FOXP2: variants seen among roughly 807,000 people sequenced by gnomAD.
The protein encoded by FOXP2 is forkhead box protein P2.
FOXP2 carries 12 observed loss-of-function variants against 115.8 expected under a neutral mutation model. That is an observed-to-expected ratio of 0.10 (90% CI 0.07 to 0.17). FOXP2 has a LOEUF of 0.17. Among genes scored for constraint, FOXP2 ranks in the 10% least tolerant of loss-of-function variants. FOXP2 has a pLI of 1.00. For synonymous variants in FOXP2, 328 were observed against 297.7 expected (o/e 1.10, Z -1.05); for missense variants, 629 against 843.5 (o/e 0.75, Z 3.15).
intron 2 of FOXP2, among the ~76,000 whole-genome samples, chr7:114,437,766 A>C (rs1006643125): frequency 6.6e-6 from 1 of 152,204 alleles, no homozygotes; most frequent in East Asian, 1.9e-4. Context: ...ATGTCCTTGT[A>C]GACCGACCTG....
intron 2 of FOXP2, among the ~76,000 whole-genome samples, chr7:114,289,878 G>A (rs185636561): frequency 9.1e-4 from 139 of 151,990 alleles, no homozygotes; most frequent in Non-Finnish European, 1.8e-3. Flanking sequence ...ATTTTTTCTT[G>A]TAAATGTATA....
chr7:114,466,783 A>G (rs954920686), intron 2 of FOXP2, among the ~76,000 whole-genome samples: 1 of 152,232 alleles, frequency 6.6e-6, no homozygotes, highest in Admixed American at 6.5e-5. Context: ...AGGAAGAGAC[A>G]TGTTTTATAT....
At chr7:114,158,190 A>G (rs1792721150), upstream of FOXP2, among the ~76,000 whole-genome samples, 1 of 152,120 alleles carries the variant, frequency 6.6e-6, no homozygotes, top group Non-Finnish European at 1.5e-5. Flanking sequence ...TGTGTTGTAT[A>G]GCAAAATATA....
chr7:114,388,646 T>C (rs1792514782), intron 2 of FOXP2, among the ~76,000 whole-genome samples: 1 of 152,196 alleles, frequency 6.6e-6, no homozygotes, highest in South Asian at 2.1e-4. Flanking sequence ...TGGTAAAAAA[T>C]ATACTGTTAG....
At chr7:114,444,084 G>A (rs539377837) in intron 2 of FOXP2, among the ~76,000 whole-genome samples, 39 of 152,268 alleles carry the variant, frequency 2.6e-4, no homozygotes, top group African/African-American at 8.9e-4. Context: ...AATGTAAGAT[G>A]TTTGAGGCCA....
At chr7:114,609,169 C>T (rs932614694) in intron 3 of FOXP2, among the ~76,000 whole-genome samples, 4 of 150,886 alleles carry the variant, frequency 2.7e-5, no homozygotes, top group Non-Finnish European at 5.9e-5. Flanking sequence ...GCTGAGATTG[C>T]GCCACTGCAC....
At chr7:114,218,355 T>C (rs1013163180) in intron 1 of FOXP2, among the ~76,000 whole-genome samples, 5 of 152,170 alleles carry the variant, frequency 3.3e-5, no homozygotes. Context: ...GAGTAGTAGA[T>C]GTGGCCCTCA....
intron 3 of FOXP2, among the ~76,000 whole-genome samples, chr7:114,581,702 T>TA (rs1218983199): frequency 6.6e-6 from 1 of 152,224 alleles, no homozygotes; most frequent in East Asian, 1.9e-4. Context: ...TGATGACATG[T>TA]ATCCACCATT....
At chr7:114,531,275 AT>A (rs1446999517) in intron 2 of FOXP2, among the ~76,000 whole-genome samples, 4 of 151,828 alleles carry the variant, frequency 2.6e-5, no homozygotes, top group Non-Finnish European at 5.9e-5. Context: ...TGGATTTAAT[AT>A]TTTGTTTGTA....
At chr7:114,621,506 G>A (rs996917424) in intron 3 of FOXP2, among the ~76,000 whole-genome samples, 2 of 152,008 alleles carry the variant, frequency 1.3e-5, no homozygotes, top group African/African-American at 4.8e-5. Context: ...TTGCTAAGTC[G>A]TTGGTACAAT....
chr7:114,109,941 A>G (rs2129141999), intron 1 of FOXP2, among the ~76,000 whole-genome samples: 1 of 152,232 alleles, frequency 6.6e-6, no homozygotes, highest in African/African-American at 2.4e-5. Flanking sequence ...ATACCAGCCC[A>G]TTAAGGAGAG....
intron 2 of FOXP2, among the ~76,000 whole-genome samples, chr7:114,408,426 A>T (rs1326796987): frequency 1.3e-5 from 2 of 152,136 alleles, no homozygotes; most frequent in Non-Finnish European, 2.9e-5. Flanking sequence ...AATGCTAAGT[A>T]TTTATAACAT....
intron 1 of FOXP2, among the ~76,000 whole-genome samples, chr7:114,269,232 T>A (rs911877895): frequency 1.3e-5 from 2 of 152,114 alleles, no homozygotes; most frequent in Non-Finnish European, 2.9e-5. Context: ...TGTAAATTGT[T>A]TAGAGGGTAG....
At chr7:114,113,526 T>C (rs1051282343) in intron 1 of FOXP2, among the ~76,000 whole-genome samples, 2 of 152,144 alleles carry the variant, frequency 1.3e-5, no homozygotes, top group African/African-American at 4.8e-5. Flanking sequence ...GGACTACAGG[T>C]GTGTGCTACC....
chr7:114,690,469 A>C lies in FOXP2; in HGVS notation c.*543A>C, dbSNP rs1022629147. On this transcript the variant is annotated 3_prime_UTR_variant, in exon 17 of 17. Transcript: ENST00000350908. ...GCTTGTATCTAGCTGAATTTTAAAC[A>C]ACAGAACATTAGTTTTTTATGTTGG... The C allele has an allele frequency of 3.5e-5, 16 of 453,842 alleles. No homozygotes were observed. The East Asian group carries it at 1.1e-3, about 32-fold the overall frequency. 28.1% of individuals were successfully genotyped at this position (453,842 alleles called of 1,614,324 possible).
chr7:114,260,455 CT>C lies in FOXP2; in HGVS notation c.-101-27554del, dbSNP rs376521474. 2.0e-4 allele frequency among the ~76,000 whole-genome samples: 29 copies of C among 147,948 alleles called. 1 individual carries two copies. Among genetic ancestry groups the C allele is most frequent in the South Asian group, 8.5e-4 (4 of 4,680 alleles). On this transcript the variant is annotated intron_variant, in intron 1 of 17. Transcript: ENST00000634411. ...CTAGTAAGTTATTGGTGGCAAGTTACTTTTTTTTTTAAGACAGCTTCATAAA... is the reference window on the plus strand; with the variant it reads ...CTAGTAAGTTATTGGTGGCAAGTTACTTTTTTTTTAAGACAGCTTCATAAA...
chr7:114,087,620 T>TGCGGCG (rs953821424), upstream of FOXP2: 20 of 147,124 alleles, frequency 1.4e-4, no homozygotes, highest in African/African-American at 4.2e-4. Flanking sequence ...GCGGCGCACG[T>TGCGGCG]GCGGCGGCGG....
chr7:114,644,942 T>C, intron 8 of FOXP2, 153 bp downstream of exon 8: 1 of 612,526 alleles, frequency 1.6e-6, no homozygotes, highest in Non-Finnish European at 2.9e-6. Flanking sequence ...AGTGGATTAG[T>C]AAGATCAGGC....
intron 2 of FOXP2, among the ~76,000 whole-genome samples, chr7:114,362,227 C>A (rs1316845574): frequency 1.3e-5 from 2 of 151,758 alleles, no homozygotes; most frequent in Admixed American, 1.3e-4. Context: ...TGTAAGCTTA[C>A]AAAAATGGCA....
Sources: allele counts gnomAD v4.1 joint callset (sites outside exome capture counted in the v4.1 genomes callset), GRCh38; gene constraint gnomAD v4.1.1; transcripts MANE v1.5; gene names NCBI Gene and HGNC (gene_info 2026-07-23, HGNC 2026-07-21).